Variants in ATP8B2 observed in about 807,000 individuals in gnomAD.
ATP8B2 encodes the protein phospholipid-transporting ATPase ID.
Under a neutral mutation model 133.4 loss-of-function variants are expected in ATP8B2, and 70 were observed. The ratio of observed to expected loss-of-function variants is 0.52; its 90% CI spans 0.43 to 0.64. ATP8B2 has a LOEUF of 0.64. ATP8B2 is among the 30% of genes least tolerant of loss of function. The pLI, the probability that ATP8B2 is intolerant of heterozygous loss-of-function variation, is 0.00. For synonymous variants in ATP8B2, 517 were observed against 589.5 expected (o/e 0.88, Z 1.78); for missense variants, 1,101 against 1,535.7 (o/e 0.72, Z 4.73).
intron 2 of ATP8B2, among the ~76,000 whole-genome samples, chr1:154,329,387 G>A (rs1282963522): frequency 1.3e-5 from 2 of 152,248 alleles, no homozygotes; most frequent in African/African-American, 2.4e-5. Context: ...GTGTAGAAAG[G>A]GTTCTGGAAT....
Position 154,345,196 on chromosome 1 carries a change from TG to T in ATP8B2, c.2470+46del, listed in dbSNP as rs1167533726. 1 of 1,603,312 alleles carries T rather than the reference TG, an allele frequency of 6.2e-7. No individual in the cohort carries two copies. The highest frequency in any genetic ancestry group is 1.1e-5 in the South Asian group (1 of 89,964). ...CAGGTGTGTAGGCTGGGCTTGAGGC[TG>T]GGGAGGGGCCCACTGAGGTCTCTGG... On this transcript the variant is annotated intron_variant, in intron 22 of 27. Transcript: ENST00000368489. The surrounding 1 kb of genome is among the most constrained non-coding windows in gnomAD (Gnocchi z 5.6).
In ATP8B2 at chr1:154,346,186, C is replaced by A; in HGVS notation, c.2779-45C>A. 6.3e-7 allele frequency: 1 copy of A among 1,593,798 alleles called. No homozygotes were observed. Among genetic ancestry groups the A allele is most frequent in the South Asian group, 1.1e-5 (1 of 88,294 alleles). ...TGCCCTTGGTCATCCAGGGTCAAAA[C>A]GGCAACCTCTGAGGCCCCCTATGCT... On this transcript the variant is annotated intron_variant, in intron 24 of 27. Transcript: ENST00000368489. This position sits in a 1 kb window ranked among gnomAD's most constrained non-coding sequence, Gnocchi z 4.5.
In ATP8B2 at chr1:154,349,524, A is replaced by C; in HGVS notation, c.*406A>C. 1 of 193,690 alleles carries C rather than the reference A, an allele frequency of 5.2e-6. No individual in the cohort carries two copies. Among genetic ancestry groups the C allele is most frequent in the Non-Finnish European group, 1.1e-5 (1 of 91,482 alleles). 12.0% of individuals were successfully genotyped at this position (193,690 alleles called of 1,614,324 possible). A position where few individuals can be genotyped will look rare whatever the true frequency, so the allele number is the denominator to read the frequency against. The stretch of plus-strand genomic sequence containing the variant: ...TAGTGCCTCTGTTCCTGAATTACAT[A>C]AGAATGTACCATGCCGGGAAGCCAG... On this transcript the variant is annotated 3_prime_UTR_variant, in exon 28 of 28. Coordinates refer to ENST00000368489, the MANE Select transcript of ATP8B2 (RefSeq NM_001370597.1).
intron 2 of ATP8B2, chr1:154,329,071 G>A: frequency 7.7e-7 from 1 of 1,301,486 alleles, no homozygotes; most frequent in Non-Finnish European, 1.0e-6. Flanking sequence ...CCTCTTGGGG[G>A]ACAGGTAACG....
At chr1:154,337,924 C>G (rs892190404) in intron 12 of ATP8B2, 2 of 483,902 alleles carry the variant, frequency 4.1e-6, no homozygotes. Context: ...AAATAGGAAC[C>G]AGTGCTGTAG....
chr1:154,333,221 G>T (rs1252923132), intron 9 of ATP8B2, among the ~76,000 whole-genome samples: 2 of 152,182 alleles, frequency 1.3e-5, no homozygotes, highest in African/African-American at 4.8e-5. Flanking sequence ...GCTGAGGCAG[G>T]TGAATCCCTT....
chr1:154,348,524 G>A lies in ATP8B2; in HGVS notation c.3280G>A (p.Asp1094Asn). 6.2e-7 allele frequency: 1 copy of A among 1,613,940 alleles called. No individual in the cohort carries two copies. Among genetic ancestry groups the A allele is most frequent in the South Asian group, 1.1e-5 (1 of 91,086 alleles). ...FRFLRLNLKPDLSDTVRYTQL... is the reference protein window; with the variant it reads ...FRFLRLNLKPNLSDTVRYTQL... ...ATTCCTCAGGCTCAACCTGAAGCCG[G>A]ATCTCTCCGACACGGTGAGAAGCCA... Residue 1094 changes from aspartate (D) to asparagine (N), a missense_variant, in exon 27 of 28, where the codon GAT becomes AAT. Asp to Asn is a conservative substitution (Grantham distance 23). Transcript: ENST00000368489.
rs1685968095 is a variant in ATP8B2 at position 154,330,945 on chromosome 1, A to C, written c.204+17A>C. ...ATTCTGCAGGTAGGTGACCCATAGT[A>C]GATTTTTTGCAGCTCCCCAAACTGA... On this transcript the variant is annotated intron_variant, in intron 4 of 27. Coordinates refer to ENST00000368489, the MANE Select transcript of ATP8B2 (RefSeq NM_001370597.1). 1 of 1,610,038 alleles carries C rather than the reference A, an allele frequency of 6.2e-7. No individual in the cohort carries two copies. Among genetic ancestry groups the C allele is most frequent in the African/African-American group, 1.3e-5 (1 of 74,956 alleles).
rs1427859208 is a variant in ATP8B2, at chr1:154,343,171, G to A, written c.1512G>A (p.Arg504=). The change falls in exon 16 of 28, where the codon AGG becomes AGA. Residue 504 remains arginine (R), a synonymous_variant. Coordinates refer to ENST00000368489, the MANE Select transcript of ATP8B2 (RefSeq NM_001370597.1). The surrounding 1 kb of genome is among the most constrained non-coding windows in gnomAD (Gnocchi z 5.8). ...PDEGALVTAA[R]NFGFVFRSRT... is the part of the protein sequence containing the mutation. ...AGGGGGCCCTGGTCACCGCAGCCAG[G>A]AACTTTGGTTTTGTTTTCCGCTCTC... 1.9e-6 allele frequency: 3 copies of A among 1,614,132 alleles called. No individual in the cohort carries two copies. Among genetic ancestry groups the A allele is most frequent in the Non-Finnish European group, 2.5e-6 (3 of 1,180,042 alleles).
At position 154,342,778 on chromosome 1, in the gene ATP8B2, CCTT is replaced by C. The variant is rs1686430135; in HGVS notation, c.1288-14_1288-12del. On this transcript the variant is annotated splice_polypyrimidine_tract_variant and intron_variant, in intron 14 of 27. Transcript: ENST00000368489. ...CTGGCACTCTAGCCTTTCCTAAGAGCCTTCTTATGTGTTTCAGAGGCCTGAACC... is the reference window on the plus strand; with the variant it reads ...CTGGCACTCTAGCCTTTCCTAAGAGCCTTATGTGTTTCAGAGGCCTGAACC... 6.2e-7 allele frequency: 1 copy of C among 1,612,636 alleles called. No individual in the cohort carries two copies. The highest frequency in any genetic ancestry group is 8.5e-7 in the Non-Finnish European group (1 of 1,179,128).
chr1:154,344,539 T>A lies in ATP8B2; in HGVS notation c.2141+39T>A. On this transcript the variant is annotated intron_variant, in intron 20 of 27. Transcript: ENST00000368489. The surrounding 1 kb of genome is among the most constrained non-coding windows in gnomAD (Gnocchi z 4.1). ...CCAGGGGAGGCGGTGCTGTGCGTTGTGCCCAGGGCTCAGGTGGGGGTTTCT... is the reference window on the plus strand; with the variant it reads ...CCAGGGGAGGCGGTGCTGTGCGTTGAGCCCAGGGCTCAGGTGGGGGTTTCT... 1 of 1,613,792 alleles carries A rather than the reference T, an allele frequency of 6.2e-7. No individual in the cohort carries two copies. Among genetic ancestry groups the A allele is most frequent in the East Asian group, 2.2e-5 (1 of 44,874 alleles).
intron 13 of ATP8B2, chr1:154,341,374 G>A: frequency 2.5e-6 from 1 of 402,862 alleles, no homozygotes; most frequent in Non-Finnish European, 4.7e-6. Flanking sequence ...GGTCTCAGCT[G>A]GCCAGTGACT....
intron 9 of ATP8B2, among the ~76,000 whole-genome samples, chr1:154,333,473 C>T (rs1489388413): frequency 1.3e-5 from 2 of 149,274 alleles, no homozygotes; most frequent in Non-Finnish European, 3.0e-5. Flanking sequence ...CACTGCACTC[C>T]AGCGTGGGCA....
chr1:154,334,358 T>TA lies in ATP8B2; in HGVS notation c.748+99dup. On this transcript the variant is annotated intron_variant, in intron 10 of 27. Coordinates refer to ENST00000368489, the MANE Select transcript of ATP8B2 (RefSeq NM_001370597.1). This position sits in a 1 kb window ranked among gnomAD's most constrained non-coding sequence, Gnocchi z 4.6. ...GGATGAGGTGGGAGAATACCTAAGG[T>TA]AAAAAACCTCCAGCTGTGTATACAG... 1.3e-6 allele frequency: 2 copies of TA among 1,553,520 alleles called. No homozygotes were observed. The highest frequency in any genetic ancestry group is 4.5e-5 in the East Asian group (2 of 44,348).
chr1:154,346,569 G>T lies in ATP8B2; in HGVS notation c.3025-51G>T. On this transcript the variant is annotated intron_variant, in intron 25 of 27. Transcript: ENST00000368489. This position sits in a 1 kb window ranked among gnomAD's most constrained non-coding sequence, Gnocchi z 4.5. ...TGGGCACCACAGTTCTGTTTCTGGG[G>T]GAAGGGGCTTTTAGGGCGTGCGCCT... The T allele has an allele frequency of 1.2e-6, 2 of 1,612,210 alleles. No individual in the cohort carries two copies. The highest frequency in any genetic ancestry group is 1.7e-6 in the Non-Finnish European group (2 of 1,178,910).
At chr1:154,327,154 G>T (rs1236383141) in intron 1 of ATP8B2, among the ~76,000 whole-genome samples, 1 of 152,210 alleles carries the variant, frequency 6.6e-6, no homozygotes, top group Non-Finnish European at 1.5e-5. Context: ...GGGGCTGACA[G>T]GTTGGTGGGG....
rs1259812578 is a variant in ATP8B2 at position 154,349,996 on chromosome 1, A to T, written c.*878A>T. The T allele has an allele frequency of 6.6e-6, 1 of 152,280 alleles. No homozygotes were observed. The highest frequency in any genetic ancestry group is 1.5e-5 in the Non-Finnish European group (1 of 68,140). The allele number at this position is 152,280 out of a possible 1,614,324, so 9.4% of individuals were successfully genotyped here. ...CTGGAGCCTAGGAAAGTGGCCCCCAAATCCTTAGTGAGCTAAAGCTGGGTC... is the reference window on the plus strand; with the variant it reads ...CTGGAGCCTAGGAAAGTGGCCCCCATATCCTTAGTGAGCTAAAGCTGGGTC... On this transcript the variant is annotated 3_prime_UTR_variant, in exon 28 of 28. Coordinates refer to ENST00000368489, the MANE Select transcript of ATP8B2 (RefSeq NM_001370597.1).
At chr1:154,337,603 T>C (rs781438345) in intron 12 of ATP8B2, 59 bp downstream of exon 12, 2 of 1,614,164 alleles carry the variant, frequency 1.2e-6, no homozygotes, top group South Asian at 1.1e-5. Context: ...CATAGAACTT[T>C]TCTTTTCTAT....
rs1558266783 is a variant in ATP8B2, at chr1:154,328,227, T to C, written c.31+55T>C. On this transcript the variant is annotated intron_variant, in intron 2 of 27. Coordinates refer to ENST00000368489, the MANE Select transcript of ATP8B2 (RefSeq NM_001370597.1). This position sits in a 1 kb window ranked among gnomAD's most constrained non-coding sequence, Gnocchi z 4.6. Reference sequence around the variant, plus strand: ...GAACCATCAAGAGTGGGTGTTGTTATGGCTCAGGGAGCAAAAGGAAAAGGG... The same window carrying C: ...GAACCATCAAGAGTGGGTGTTGTTACGGCTCAGGGAGCAAAAGGAAAAGGG... 1 of 1,553,044 alleles carries C rather than the reference T, an allele frequency of 6.4e-7. No homozygotes were observed. The highest frequency in any genetic ancestry group is 8.9e-7 in the Non-Finnish European group (1 of 1,125,482).
Sources: allele counts gnomAD v4.1 joint callset (sites outside exome capture counted in the v4.1 genomes callset), GRCh38; gene constraint gnomAD v4.1.1; non-coding constraint Gnocchi (gnomAD v3.1); transcripts MANE v1.5; gene names NCBI Gene and HGNC (gene_info 2026-07-23, HGNC 2026-07-21).